STAM2: variants seen among roughly 807,000 people sequenced by gnomAD.
The protein encoded by STAM2 is signal transducing adapter molecule 2.
STAM2 carries 51 observed loss-of-function variants against 65.6 expected under a neutral mutation model. The observed-to-expected ratio is 0.78, with a 90% CI of 0.62 to 0.98. STAM2 has a LOEUF of 0.98. Among genes scored for constraint, STAM2 ranks in the 50% least tolerant of loss-of-function variants. STAM2 has a pLI of 0.00. For missense variants in STAM2, 584 were observed against 617.8 expected, an observed-to-expected ratio of 0.95 and a Z score of 0.58; for synonymous variants, 198 against 208.4, an observed-to-expected ratio of 0.95 and a Z score of 0.43.
At chr2:152,128,704 T>C (rs1689007444) in intron 11 of STAM2, among the ~76,000 whole-genome samples, 1 of 152,200 alleles carries the variant, frequency 6.6e-6, no homozygotes, top group Admixed American at 6.5e-5. Flanking sequence ...GTCTGGAACA[T>C]AGTTAAGTCC....
At chr2:152,156,442 C>G (rs571250045) in intron 1 of STAM2, among the ~76,000 whole-genome samples, 22 of 152,166 alleles carry the variant, frequency 1.4e-4, no homozygotes, top group African/African-American at 5.3e-4. Context: ...TGTCACTTTG[C>G]CCAATGTTGG....
chr2:152,148,401 G>T, intron 2 of STAM2, 101 bp from the exon 3 acceptor site: 1 of 953,510 alleles, frequency 1.0e-6, no homozygotes, highest in Non-Finnish European at 1.5e-6. Context: ...TATATTTAAT[G>T]GCTCATGCCT....
Position 152,160,070 on chromosome 2 carries a change from G to A in STAM2, c.41-9841C>T, listed in dbSNP as rs548222463. Among the ~76,000 whole-genome samples, 859 of 152,290 alleles carry A rather than the reference G, an allele frequency of 5.6e-3. 6 individuals are homozygous for A. The highest frequency in any genetic ancestry group is 0.02 in the African/African-American group (816 of 41,572). On this transcript the variant is annotated intron_variant, in intron 1 of 13. Transcript: ENST00000263904. ...GGCTGGAGTGCAGTGGCGTGATCTC[G>A]GCTGGCTACAACCTCCACCTCCCAG...
In STAM2 at chr2:152,120,142, A is replaced by G. The variant is rs74847500; in HGVS notation, c.*432T>C. On this transcript the variant is annotated 3_prime_UTR_variant, in exon 14 of 14. Transcript: ENST00000263904. Reference sequence around the variant, plus strand: ...GGGAAACAGTGGTTTCTTTAAAATAATATTTTAATCCTCCTATCTCATACT... The same window carrying G: ...GGGAAACAGTGGTTTCTTTAAAATAGTATTTTAATCCTCCTATCTCATACT... 45 of 154,852 alleles carry G rather than the reference A, an allele frequency of 2.9e-4. No homozygotes were observed. The highest frequency in any genetic ancestry group is 3.8e-4 in the Admixed American group (6 of 15,668). 9.6% of individuals were successfully genotyped at this position (154,852 alleles called of 1,614,324 possible). A position where few individuals can be genotyped will look rare whatever the true frequency, so the allele number is the denominator to read the frequency against.
chr2:152,132,157 G>C lies in STAM2; in HGVS notation c.982C>G (p.Gln328Glu), dbSNP rs745935924. The C allele has an allele frequency of 3.1e-6, 5 of 1,609,836 alleles. No homozygotes were observed. Among genetic ancestry groups the C allele is most frequent in the Non-Finnish European group, 4.2e-6 (5 of 1,177,984 alleles). ...DLLDLEDICQ[Q>E]MGPMIDEKLE... Reference sequence around the variant, plus strand: ...TTTTCATCTATCATTGGACCCATCTGTTGGCAGATATCTGTAAATACAAAA... The same window carrying C: ...TTTTCATCTATCATTGGACCCATCTCTTGGCAGATATCTGTAAATACAAAA... Residue 328 changes from glutamine (Q) to glutamate (E), a missense_variant, in exon 11 of 14, where the codon CAG becomes GAG. Gln to Glu is a conservative substitution (Grantham distance 29, BLOSUM62 2). Transcript: ENST00000263904.
At position 152,118,537 on chromosome 2, in the gene STAM2, A is replaced by C. The variant is rs1688793838; in HGVS notation, c.*2037T>G. On this transcript the variant is annotated 3_prime_UTR_variant, in exon 14 of 14. Transcript: ENST00000263904. The stretch of plus-strand genomic sequence containing the variant: ...AATTTAGTGGGTGTGCAGTAATTAT[A>C]TTGGCTCAAAGACATGCTGAATTAA... 6.6e-6 allele frequency: 1 copy of C among 151,174 alleles called. No homozygotes were observed. Among genetic ancestry groups the C allele is most frequent in the Non-Finnish European group, 1.5e-5 (1 of 67,766 alleles). 9.4% of individuals were successfully genotyped at this position (151,174 alleles called of 1,614,324 possible).
chr2:152,121,852 G>A (rs1346007201), intron 13 of STAM2, among the ~76,000 whole-genome samples: 2 of 151,966 alleles, frequency 1.3e-5, no homozygotes, highest in South Asian at 2.1e-4. Flanking sequence ...AGACCATCCT[G>A]GCTAACACAG....
intron 1 of STAM2, among the ~76,000 whole-genome samples, chr2:152,154,592 T>C (rs1305866433): frequency 5.9e-5 from 9 of 151,888 alleles, no homozygotes; most frequent in Admixed American, 5.9e-4. Flanking sequence ...CACTCCAACG[T>C]GGACAACAGA....
intron 7 of STAM2, among the ~76,000 whole-genome samples, chr2:152,138,854 A>G (rs576884274): frequency 6.6e-6 from 1 of 152,352 alleles, no homozygotes; most frequent in South Asian, 2.1e-4. Flanking sequence ...ATTTTTGTAT[A>G]AAACGAGAAA....
chr2:152,120,851 A>C, intron 13 of STAM2, 49 bp from the exon 14 acceptor site: 1 of 1,421,004 alleles, frequency 7.0e-7, no homozygotes, highest in Non-Finnish European at 9.9e-7. Context: ...TGCAATATAT[A>C]AGGTTAGAGA....
At position 152,118,128 on chromosome 2, in the gene STAM2, T is replaced by C. The variant is rs914142065; in HGVS notation, c.*2446A>G. The C allele has an allele frequency of 2.0e-5, 3 of 152,114 alleles. No homozygotes were observed. Among genetic ancestry groups the C allele is most frequent in the African/African-American group, 7.2e-5 (3 of 41,462 alleles). 9.4% of individuals were successfully genotyped at this position (152,114 alleles called of 1,614,324 possible). A position where few individuals can be genotyped will look rare whatever the true frequency, so the allele number is the denominator to read the frequency against. Reference sequence around the variant, plus strand: ...AGATTTCATATGAAAAAGCAGAAGCTATTTTTTTATTTCTGATATAAAACA... The same window carrying C: ...AGATTTCATATGAAAAAGCAGAAGCCATTTTTTTATTTCTGATATAAAACA... On this transcript the variant is annotated 3_prime_UTR_variant, in exon 14 of 14. Coordinates refer to ENST00000263904, the MANE Select transcript of STAM2 (RefSeq NM_005843.6).
chr2:152,120,241 A>C lies in STAM2; in HGVS notation c.*333T>G. The C allele has an allele frequency of 9.9e-6, 2 of 201,104 alleles. No individual in the cohort carries two copies. Among genetic ancestry groups the C allele is most frequent in the South Asian group, 1.9e-4 (2 of 10,450 alleles). 12.5% of individuals were successfully genotyped at this position (201,104 alleles called of 1,614,324 possible). On this transcript the variant is annotated 3_prime_UTR_variant, in exon 14 of 14. Coordinates refer to ENST00000263904, the MANE Select transcript of STAM2 (RefSeq NM_005843.6). ...TACTGCACTCCAGCCTGGGTGACAG[A>C]GCGAGTTTGTCATAAGTATCTCATA...
rs1689137120 is a variant in STAM2 at position 152,135,490 on chromosome 2, CG to C, written c.799+18del. On this transcript the variant is annotated intron_variant, in intron 8 of 13. Transcript: ENST00000263904. ...AAAAAAACTTAAATAGATCTAATGTCGTCTAAGATTTAACTTACCTGCCTCA... is the reference window on the plus strand; with the variant it reads ...AAAAAAACTTAAATAGATCTAATGTCTCTAAGATTTAACTTACCTGCCTCA... 8.5e-6 allele frequency: 13 copies of C among 1,530,688 alleles called. No individual in the cohort carries two copies. Among genetic ancestry groups the C allele is most frequent in the Non-Finnish European group, 1.2e-5 (13 of 1,110,584 alleles). 94.8% of individuals were successfully genotyped at this position (1,530,688 alleles called of 1,614,324 possible).
chr2:152,151,954 T>A (rs895302727), intron 1 of STAM2, among the ~76,000 whole-genome samples: 4 of 152,156 alleles, frequency 2.6e-5, no homozygotes, highest in Admixed American at 6.5e-5. Context: ...TTGGTTGGCT[T>A]ACTGAGACAG....
Position 152,127,025 on chromosome 2 carries a change from T to C in STAM2, c.1026-646A>G, listed in dbSNP as rs1688974922. Among the ~76,000 whole-genome samples, 3 of 152,188 alleles carry C rather than the reference T, an allele frequency of 2.0e-5. No homozygotes were observed. The South Asian group carries it at 6.2e-4, about 32-fold the overall frequency. On this transcript the variant is annotated intron_variant, in intron 11 of 13. Coordinates refer to ENST00000263904, the MANE Select transcript of STAM2 (RefSeq NM_005843.6). ...AATCAGACTGATTGTGAGCTTCCAC[T>C]TCATTTACATGAGGTGAGCACGAAA...
At position 152,117,614 on chromosome 2, in the gene STAM2, T is replaced by C. The variant is rs1170863931; in HGVS notation, c.*2960A>G. ...ACCTTCCGATAGAAATAAAGCATTATAGATCAGTGCTATTTATAATTTATT... is the reference window on the plus strand; with the variant it reads ...ACCTTCCGATAGAAATAAAGCATTACAGATCAGTGCTATTTATAATTTATT... On this transcript the variant is annotated 3_prime_UTR_variant, in exon 14 of 14. Coordinates refer to ENST00000263904, the MANE Select transcript of STAM2 (RefSeq NM_005843.6). 2 of 152,218 alleles carry C rather than the reference T, an allele frequency of 1.3e-5. No individual in the cohort carries two copies. The highest frequency in any genetic ancestry group is 2.9e-5 in the Non-Finnish European group (2 of 68,036). 9.4% of individuals were successfully genotyped at this position (152,218 alleles called of 1,614,324 possible). A position where few individuals can be genotyped will look rare whatever the true frequency, so the allele number is the denominator to read the frequency against.
chr2:152,161,307 G>C (rs4036223), intron 1 of STAM2, among the ~76,000 whole-genome samples: 28,554 of 148,792 alleles, frequency 0.19, 3,041 homozygotes, highest in Admixed American at 0.29. Context: ...CAGCATGCTC[G>C]TTAAGAGTCA....
At chr2:152,155,925 C>A (rs1689534576) in intron 1 of STAM2, among the ~76,000 whole-genome samples, 1 of 152,098 alleles carries the variant, frequency 6.6e-6, no homozygotes, top group Non-Finnish European at 1.5e-5. Context: ...AAGAATCTAT[C>A]CTTTCTTCAC....
intron 7 of STAM2, among the ~76,000 whole-genome samples, chr2:152,139,464 G>A (rs1011298576): frequency 2.0e-5 from 3 of 152,214 alleles, no homozygotes; most frequent in Non-Finnish European, 4.4e-5. Context: ...GGCTGAGGGA[G>A]GAGGCCTGCT....
Sources: gnomAD v4.1 joint callset for allele counts (sites outside exome capture counted in the v4.1 genomes callset) on GRCh38, gnomAD v4.1.1 for gene constraint, MANE v1.5 for transcripts, NCBI Gene and HGNC (gene_info 2026-07-23, HGNC 2026-07-21) for gene names.